LRRC14: variants seen among roughly 807,000 people sequenced by gnomAD.
LRRC14 encodes the protein leucine-rich repeat-containing protein 14.
Under a neutral mutation model 25.3 loss-of-function variants are expected in LRRC14, and 16 were observed. The observed-to-expected ratio is 0.63, with a 90% CI of 0.43 to 0.96. The LOEUF (loss-of-function observed/expected upper bound fraction) is 0.96, where lower values mean the gene tolerates loss of function less well. Among genes scored for constraint, LRRC14 ranks in the 40% least tolerant of loss-of-function variants. The probability of loss-of-function intolerance (pLI) is 0.00; values close to 1 mark genes in which losing one functional copy is unlikely to be tolerated. For synonymous variants in LRRC14, 359 were observed against 295.1 expected (o/e 1.22, Z -2.22); for missense variants, 594 against 660.5 (o/e 0.90, Z 1.10).
Position 144,525,134 on chromosome 8 carries a change from T to C in LRRC14, c.*3656T>C. On this transcript the variant is annotated 3_prime_UTR_variant, in exon 4 of 4. Transcript: ENST00000292524. ...TCTAACTTTTGACGCTATAAATAGG[T>C]TCAAGAAACTAATAAAACGTTCTGG... is the stretch of plus-strand genomic sequence containing the variant. The C allele has an allele frequency of 1.5e-6, 1 of 673,678 alleles. No homozygotes were observed. Among genetic ancestry groups the C allele is most frequent in the Non-Finnish European group, 2.2e-6 (1 of 463,170 alleles). 41.7% of individuals were successfully genotyped at this position (673,678 alleles called of 1,614,324 possible).
In LRRC14 at chr8:144,523,962, C is replaced by T; in HGVS notation, c.*2484C>T. The T allele has an allele frequency of 1.1e-6, 1 of 923,020 alleles. No homozygotes were observed. The highest frequency in any genetic ancestry group is 1.7e-5 in the South Asian group (1 of 60,594). The allele number at this position is 923,020 out of a possible 1,614,324, so 57.2% of individuals were successfully genotyped here. ...GCTGTATTCCCCAGCACACCCACTCCCGCAGCCCTCCAGTGTGGCTGCAGG... is the reference window on the plus strand; with the variant it reads ...GCTGTATTCCCCAGCACACCCACTCTCGCAGCCCTCCAGTGTGGCTGCAGG... On this transcript the variant is annotated 3_prime_UTR_variant, in exon 4 of 4. Transcript: ENST00000292524.
rs1185573635 is a variant in LRRC14 at position 144,524,051 on chromosome 8, C to T, written c.*2573C>T. On this transcript the variant is annotated 3_prime_UTR_variant, in exon 4 of 4. Transcript: ENST00000292524. The stretch of plus-strand genomic sequence containing the variant: ...ATGTCAGAGCCCCTCCACACATGAG[C>T]CTGCTCCCTACTGCCAACACCGTGG... 6.4e-7 allele frequency: 1 copy of T among 1,562,160 alleles called. No individual in the cohort carries two copies. Among genetic ancestry groups the T allele is most frequent in the East Asian group, 2.3e-5 (1 of 44,078 alleles).
chr8:144,524,934 A>AGCAGCAGCAGCG lies in LRRC14; in HGVS notation c.*3464_*3475dup. ...GCCGGCGGCGCGGAGCGGCAGTAGT[A>AGCAGCAGCAGCG]GCAGCAGCAGCGGCAGCAGTGCGGG... On this transcript the variant is annotated 3_prime_UTR_variant, in exon 4 of 4. Coordinates refer to ENST00000292524, the MANE Select transcript of LRRC14 (RefSeq NM_014665.4). 6.6e-7 allele frequency: 1 copy of AGCAGCAGCAGCG among 1,508,368 alleles called. No individual in the cohort carries two copies. 93.4% of individuals were successfully genotyped at this position (1,508,368 alleles called of 1,614,324 possible).
chr8:144,524,821 T>C lies in LRRC14; in HGVS notation c.*3343T>C. The C allele has an allele frequency of 6.8e-7, 1 of 1,468,382 alleles. No individual in the cohort carries two copies. Among genetic ancestry groups the C allele is most frequent in the Non-Finnish European group, 9.0e-7 (1 of 1,110,096 alleles). The allele number at this position is 1,468,382 out of a possible 1,614,324, so 91.0% of individuals were successfully genotyped here. A position where few individuals can be genotyped will look rare whatever the true frequency, so the allele number is the denominator to read the frequency against. ...CAGCTCCACACGGTGCCCACCTGCG[T>C]CCCTGGCGGGATTCCCAGCGGGACG... On this transcript the variant is annotated 3_prime_UTR_variant, in exon 4 of 4. Transcript: ENST00000292524.
At position 144,523,382 on chromosome 8, in the gene LRRC14, A is replaced by G; in HGVS notation, c.*1904A>G. The G allele has an allele frequency of 6.4e-7, 1 of 1,554,520 alleles. No homozygotes were observed. Among genetic ancestry groups the G allele is most frequent in the Non-Finnish European group, 8.7e-7 (1 of 1,149,082 alleles). On this transcript the variant is annotated 3_prime_UTR_variant, in exon 4 of 4. Transcript: ENST00000292524. ...CTTGATCCAGGCACCCAGCCAGTGC[A>G]GGGCGCAGTCACAGCGCCATGGGTT...
chr8:144,518,143 C>T, intron 1 of LRRC14, 102 bp downstream of exon 1: 1 of 162,312 alleles, frequency 6.2e-6, no homozygotes, highest in Non-Finnish European at 1.3e-5. Context: ...GGCGGCCTGG[C>T]CGAGGGAGGC....
rs1185809227 is a variant in LRRC14 at position 144,522,430 on chromosome 8, C to G, written c.*952C>G. On this transcript the variant is annotated 3_prime_UTR_variant, in exon 4 of 4. Transcript: ENST00000292524. The stretch of plus-strand genomic sequence containing the variant: ...TACTGACGGAGCATGCGCGAGGCCG[C>G]ACCGGCCAATCTCCGGCGCCCACGT... 2.9e-6 allele frequency: 4 copies of G among 1,384,190 alleles called. No homozygotes were observed. The African/African-American group carries it at 6.1e-5, about 21-fold the overall frequency. 85.7% of individuals were successfully genotyped at this position (1,384,190 alleles called of 1,614,324 possible).
chr8:144,523,975 G>T lies in LRRC14; in HGVS notation c.*2497G>T. ...GCACACCCACTCCCGCAGCCCTCCA[G>T]TGTGGCTGCAGGCGGTGGTGCAGCC... On this transcript the variant is annotated 3_prime_UTR_variant, in exon 4 of 4. Coordinates refer to ENST00000292524, the MANE Select transcript of LRRC14 (RefSeq NM_014665.4). 9.6e-7 allele frequency: 1 copy of T among 1,039,754 alleles called. No individual in the cohort carries two copies. The highest frequency in any genetic ancestry group is 1.6e-5 in the African/African-American group (1 of 62,718). 64.4% of individuals were successfully genotyped at this position (1,039,754 alleles called of 1,614,324 possible).
chr8:144,518,895 C>T (rs188213872), intron 1 of LRRC14: 1 of 152,270 alleles, frequency 6.6e-6, no homozygotes, highest in Non-Finnish European at 1.5e-5. Flanking sequence ...CTTGTCTGAG[C>T]AGTCTGTAGC....
In LRRC14 at chr8:144,520,976, G is replaced by A. The variant is rs1377557894; in HGVS notation, c.980G>A (p.Arg327His). The A allele has an allele frequency of 4.3e-6, 7 of 1,613,116 alleles. No individual in the cohort carries two copies. The highest frequency in any genetic ancestry group is 1.3e-5 in the African/African-American group (1 of 75,042). Reference protein sequence around the residue: ...AFCALLPEDLRFLARSPHAAH... With the variant: ...AFCALLPEDLHFLARSPHAAH... ...TGTGCTCTGCTGCCTGAGGACCTAC[G>A]CTTCCTGGCACGGAGCCCACATGCT... Residue 327 changes from arginine (R) to histidine (H), a missense_variant, in exon 4 of 4, where the codon CGC (arginine) becomes CAC (histidine). By Grantham distance (29) the Arg-to-His change is conservative (BLOSUM62 0). Transcript: ENST00000292524.
intron 1 of LRRC14, 41 bp from the exon 2 acceptor site, chr8:144,519,574 C>T: frequency 4.4e-6 from 3 of 683,788 alleles, no homozygotes; most frequent in Non-Finnish European, 7.5e-6. Context: ...ATAGGTGCTT[C>T]TCTGTGCCAT....
rs11996936 is a variant in LRRC14 at position 144,523,760 on chromosome 8, C to T, written c.*2282C>T. Reference sequence around the variant, plus strand: ...CACCAGCACTGAAACCTCACAAGTCCTCTCAGCCTTGCCTTTGGATGCCCT... The same window carrying T: ...CACCAGCACTGAAACCTCACAAGTCTTCTCAGCCTTGCCTTTGGATGCCCT... On this transcript the variant is annotated 3_prime_UTR_variant, in exon 4 of 4. Transcript: ENST00000292524. 5,193 of 415,776 alleles carry T rather than the reference C, an allele frequency of 0.012. 227 individuals carry two copies. Among genetic ancestry groups the T allele is most frequent in the African/African-American group, 0.096 (4,710 of 48,986 alleles). The allele number at this position is 415,776 out of a possible 1,614,324, so 25.8% of individuals were successfully genotyped here.
chr8:144,522,500 G>A lies in LRRC14; in HGVS notation c.*1022G>A. 2.7e-6 allele frequency: 4 copies of A among 1,494,662 alleles called. No individual in the cohort carries two copies. Among genetic ancestry groups the A allele is most frequent in the Non-Finnish European group, 3.5e-6 (4 of 1,127,994 alleles). 92.6% of individuals were successfully genotyped at this position (1,494,662 alleles called of 1,614,324 possible). A position where few individuals can be genotyped will look rare whatever the true frequency, so the allele number is the denominator to read the frequency against. On this transcript the variant is annotated 3_prime_UTR_variant, in exon 4 of 4. Coordinates refer to ENST00000292524, the MANE Select transcript of LRRC14 (RefSeq NM_014665.4). ...CTAGCAGTGGATCTCGTAGGCGACC[G>A]GCGGGGGCACGCGGAGTCCCGGCCC...
intron 2 of LRRC14, 79 bp downstream of exon 2, chr8:144,520,133 C>T (rs777680648): frequency 7.3e-5 from 114 of 1,567,928 alleles, no homozygotes; most frequent in Middle Eastern, 1.7e-4. Flanking sequence ...ATAAAGTTAG[C>T]AAGAGCTCAT....
chr8:144,519,001 C>G (rs750576740), intron 1 of LRRC14, among the ~76,000 whole-genome samples: 4 of 152,214 alleles, frequency 2.6e-5, no homozygotes, highest in South Asian at 2.1e-4. Flanking sequence ...TAAGGGCCAA[C>G]AAAGGTGAGG....
chr8:144,524,836 C>A lies in LRRC14; in HGVS notation c.*3358C>A. 1 of 1,477,610 alleles carries A rather than the reference C, an allele frequency of 6.8e-7. No homozygotes were observed. Among genetic ancestry groups the A allele is most frequent in the Non-Finnish European group, 9.0e-7 (1 of 1,114,122 alleles). The allele number at this position is 1,477,610 out of a possible 1,614,324, so 91.5% of individuals were successfully genotyped here. A position where few individuals can be genotyped will look rare whatever the true frequency, so the allele number is the denominator to read the frequency against. ...CCCACCTGCGTCCCTGGCGGGATTC[C>A]CAGCGGGACGACGCGCAACCGCAGG... is the stretch of plus-strand genomic sequence containing the variant. On this transcript the variant is annotated 3_prime_UTR_variant, in exon 4 of 4. Coordinates refer to ENST00000292524, the MANE Select transcript of LRRC14 (RefSeq NM_014665.4).
rs144136535 is a variant in LRRC14 at position 144,520,445 on chromosome 8, G to T, written c.537G>T (p.Ala179=). Residue 179 remains alanine (A), a synonymous_variant, in exon 3 of 4, where the codon GCG becomes GCT. Coordinates refer to ENST00000292524, the MANE Select transcript of LRRC14 (RefSeq NM_014665.4). ...TGCGGGTGAACCGGGCCTCCTATGC[G>T]TTCCTGCGGGAGGCACTCCGAAGCA... is the stretch of plus-strand genomic sequence containing the variant. The part of the protein sequence containing the change: ...VDLRVNRASY[A]FLREALRSSV... The T allele has an allele frequency of 2.5e-6, 4 of 1,598,270 alleles. No individual in the cohort carries two copies. Among genetic ancestry groups the T allele is most frequent in the Admixed American group, 1.7e-5 (1 of 59,808 alleles).
chr8:144,523,672 C>T lies in LRRC14; in HGVS notation c.*2194C>T. ...GTCGGTCTCTGAGAAAGCACCTGCT[C>T]CTTAAGTCTTCCTGCAACAAGTGCC... On this transcript the variant is annotated 3_prime_UTR_variant, in exon 4 of 4. Transcript: ENST00000292524. The T allele has an allele frequency of 2.2e-6, 1 of 461,942 alleles. No individual in the cohort carries two copies. The highest frequency in any genetic ancestry group is 3.7e-6 in the Non-Finnish European group (1 of 271,378). The allele number at this position is 461,942 out of a possible 1,614,324, so 28.6% of individuals were successfully genotyped here.
rs1449749279 is a variant in LRRC14 at position 144,524,676 on chromosome 8, C to G, written c.*3198C>G. 3 of 1,481,148 alleles carry G rather than the reference C, an allele frequency of 2.0e-6. No homozygotes were observed. Among genetic ancestry groups the G allele is most frequent in the Non-Finnish European group, 2.7e-6 (3 of 1,126,702 alleles). The allele number at this position is 1,481,148 out of a possible 1,614,324, so 91.8% of individuals were successfully genotyped here. ...CAGAGCGGCGAGTGGCGCCAGGGCT[C>G]CCGGCTCTAGGCGGGCGATGTTGTT... On this transcript the variant is annotated 3_prime_UTR_variant, in exon 4 of 4. Coordinates refer to ENST00000292524, the MANE Select transcript of LRRC14 (RefSeq NM_014665.4).
Sources: gnomAD v4.1 joint callset for allele counts (sites outside exome capture counted in the v4.1 genomes callset) on GRCh38, gnomAD v4.1.1 for gene constraint, MANE v1.5 for transcripts, NCBI Gene and HGNC (gene_info 2026-07-23, HGNC 2026-07-21) for gene names.